Variants in GRIK1 observed in about 807,000 individuals in gnomAD.
The protein encoded by GRIK1 is glutamate ionotropic receptor kainate type subunit 1.
In GRIK1, 69 loss-of-function variants were observed where a neutral mutation model predicts 105.7. That is an observed-to-expected ratio of 0.65 (90% confidence interval 0.54 to 0.80). GRIK1 has a LOEUF of 0.80. GRIK1 is among the 30% of genes least tolerant of loss of function. GRIK1 has a pLI of 0.00. For missense variants in GRIK1, 1,109 were observed against 1,167.3 expected, an observed-to-expected ratio of 0.95 and a Z score of 0.73; for synonymous variants, 438 against 431.3, an observed-to-expected ratio of 1.02 and a Z score of -0.19.
rs917623688 is a variant in GRIK1, at chr21:29,701,081, A to G, written c.119-7018T>C. Among the ~76,000 whole-genome samples, 6 of 152,322 alleles carry G rather than the reference A, an allele frequency of 3.9e-5. No homozygotes were observed. In the East Asian group the frequency reaches 1.2e-3, roughly 29 times the overall value. ...TGTTGTTCTACTTCAATTCATGGTT[A>G]TATATATTATGTCCATGATTCTACT... is the stretch of plus-strand genomic sequence containing the variant. On this transcript the variant is annotated intron_variant, in intron 1 of 17. Coordinates refer to ENST00000327783, the MANE Select transcript of GRIK1 (RefSeq NM_001330994.2).
chr21:29,801,260 G>A (rs1220135004), intron 1 of GRIK1, among the ~76,000 whole-genome samples: 2 of 150,708 alleles, frequency 1.3e-5, no homozygotes, highest in Admixed American at 6.6e-5. Context: ...AGTAATTGCG[G>A]TTTTTACCAT....
chr21:29,805,204 A>G (rs538729492), intron 1 of GRIK1, among the ~76,000 whole-genome samples: 1 of 152,276 alleles, frequency 6.6e-6, no homozygotes, highest in East Asian at 1.9e-4. Context: ...ATCTCAGCCT[A>G]GTTGTTAGAA....
rs372943543 is a variant in GRIK1, at chr21:29,588,897, T to G, written c.1511A>C (p.Tyr504Ser). Residue 504 changes from tyrosine (Y) to serine (S), a missense_variant, in exon 11 of 18, where the codon TAT becomes TCT. Physicochemically the swap from Tyr to Ser is moderately radical, Grantham distance 144 (BLOSUM62 -2). Coordinates refer to ENST00000327783, the MANE Select transcript of GRIK1 (RefSeq NM_001330994.2). ...YDVKLVPDGK[Y>S]GAQNDKGEWN... ...CTCCCCTTTGTCATTCTGGGCCCCA[T>G]ATTTGCCATCGGGAACTAGTTTAAC... The G allele has an allele frequency of 6.2e-7, 1 of 1,608,382 alleles. No individual in the cohort carries two copies. The highest frequency in any genetic ancestry group is 1.1e-5 in the South Asian group (1 of 90,976).
intron 1 of GRIK1, among the ~76,000 whole-genome samples, chr21:29,701,022 A>G (rs1021990520): frequency 6.6e-6 from 1 of 152,254 alleles, no homozygotes. Context: ...CAGAAATGCA[A>G]TAGAATTAAA....
chr21:29,902,609 G>T (rs1032341118), intron 1 of GRIK1, among the ~76,000 whole-genome samples: 10 of 152,124 alleles, frequency 6.6e-5, no homozygotes, highest in Non-Finnish European at 1.5e-4. Context: ...CCTCTTCAAG[G>T]AGAACTACAA....
intron 16 of GRIK1, among the ~76,000 whole-genome samples, chr21:29,539,319 C>T (rs1454420337): frequency 6.6e-6 from 1 of 152,148 alleles, no homozygotes; most frequent in African/African-American, 2.4e-5. Flanking sequence ...CCTAGCTTAC[C>T]TTATACACAC....
At chr21:29,776,724 G>A (rs912189505) in intron 1 of GRIK1, among the ~76,000 whole-genome samples, 1 of 152,172 alleles carries the variant, frequency 6.6e-6, no homozygotes, top group African/African-American at 2.4e-5. Flanking sequence ...ACCTAAACAA[G>A]CAAATGTGGA....
rs1474297576 is a variant in GRIK1 at position 29,719,904 on chromosome 21, C to T, written c.119-25841G>A. Among the ~76,000 whole-genome samples the T allele has an allele frequency of 3.9e-5, 6 of 152,320 alleles. No individual in the cohort carries two copies. In the East Asian group the frequency reaches 9.6e-4, roughly 24 times the overall value. On this transcript the variant is annotated intron_variant, in intron 1 of 17. Transcript: ENST00000327783. ...TTTATCTTGATTCACTTACATAATA[C>T]ATTTCACAGACTATAGCATATTTCA...
intron 1 of GRIK1, among the ~76,000 whole-genome samples, chr21:29,936,233 A>G (rs1200077520): frequency 6.6e-6 from 1 of 152,132 alleles, no homozygotes; most frequent in Non-Finnish European, 1.5e-5. Flanking sequence ...GACCTCTATA[A>G]TTGTATGTGT....
At chr21:29,863,327 C>T (rs948506964) in intron 1 of GRIK1, among the ~76,000 whole-genome samples, 2 of 152,110 alleles carry the variant, frequency 1.3e-5, no homozygotes, top group Non-Finnish European at 2.9e-5. Flanking sequence ...CACCCCAAAA[C>T]TTTTTATGTG....
intron 1 of GRIK1, among the ~76,000 whole-genome samples, chr21:29,785,984 C>T (rs1460609195): frequency 6.6e-6 from 1 of 152,182 alleles, no homozygotes; most frequent in Non-Finnish European, 1.5e-5. Flanking sequence ...TGTCTCTCCT[C>T]TGTGTGTTTT....
intron 1 of GRIK1, among the ~76,000 whole-genome samples, chr21:29,866,594 TG>T (rs1194887852): frequency 3.3e-5 from 5 of 152,104 alleles, no homozygotes; most frequent in Non-Finnish European, 5.9e-5. Context: ...TGGGTAAAGA[TG>T]GGGGACTTTT....
chr21:29,718,727 A>C (rs2064240812), intron 1 of GRIK1, among the ~76,000 whole-genome samples: 1 of 152,206 alleles, frequency 6.6e-6, no homozygotes, highest in African/African-American at 2.4e-5. Flanking sequence ...GTTTACCGCC[A>C]AGACATAGAG....
intron 1 of GRIK1, among the ~76,000 whole-genome samples, chr21:29,851,906 T>C (rs2068318126): frequency 6.6e-6 from 1 of 152,244 alleles, no homozygotes; most frequent in Non-Finnish European, 1.5e-5. Context: ...AAATCTGCAC[T>C]GACTCCTGGT....
At chr21:29,920,950 T>G (rs530993549) in intron 1 of GRIK1, among the ~76,000 whole-genome samples, 1 of 152,276 alleles carries the variant, frequency 6.6e-6, no homozygotes, top group African/African-American at 2.4e-5. Context: ...ATTTATTTTC[T>G]TCTGGAGCAG....
At chr21:29,573,317 G>A (rs16984379) in intron 14 of GRIK1, among the ~76,000 whole-genome samples, 3,768 of 152,286 alleles carry the variant, frequency 0.025, 154 homozygotes, top group African/African-American at 0.084. Flanking sequence ...TGTGAACATA[G>A]CATGTACCTG....
intron 1 of GRIK1, among the ~76,000 whole-genome samples, chr21:29,714,169 G>A (rs892091239): frequency 6.6e-6 from 1 of 151,688 alleles, no homozygotes; most frequent in Non-Finnish European, 1.5e-5. Context: ...TTAAATTTTT[G>A]CTCTATTATA....
At chr21:29,866,801 G>A (rs1475769394) in intron 1 of GRIK1, among the ~76,000 whole-genome samples, 1 of 152,178 alleles carries the variant, frequency 6.6e-6, no homozygotes, top group African/African-American at 2.4e-5. Flanking sequence ...TTTGAGCTTT[G>A]TATTCAAAAT....
intron 1 of GRIK1, among the ~76,000 whole-genome samples, chr21:29,754,625 C>T (rs924312925): frequency 6.6e-6 from 1 of 152,306 alleles, no homozygotes; most frequent in South Asian, 2.1e-4. Context: ...CTTGACCAGG[C>T]GACAGTACCC....
Sources: allele counts gnomAD v4.1 joint callset (sites outside exome capture counted in the v4.1 genomes callset), GRCh38; gene constraint gnomAD v4.1.1; transcripts MANE v1.5; gene names NCBI Gene and HGNC (gene_info 2026-07-23, HGNC 2026-07-21).